TNFRSF19: variants seen among roughly 807,000 people sequenced by gnomAD.
The protein encoded by TNFRSF19 is tumor necrosis factor receptor superfamily member 19.
A neutral mutation model predicts 46.4 loss-of-function variants in TNFRSF19; 27 were observed. That is an observed-to-expected ratio of 0.58 (90% confidence interval 0.43 to 0.80). The LOEUF (loss-of-function observed/expected upper bound fraction) is 0.80, where lower values mean the gene tolerates loss of function less well. Among genes scored for constraint, TNFRSF19 ranks in the 30% least tolerant of loss-of-function variants. TNFRSF19 has a pLI of 0.00. For synonymous variants in TNFRSF19, 204 were observed against 205.0 expected, an observed-to-expected ratio of 1.00 and a Z score of 0.04; for missense variants, 511 against 530.8, an observed-to-expected ratio of 0.96 and a Z score of 0.37.
rs561180069 is a variant in TNFRSF19 at position 23,616,573 on chromosome 13, TTTG to T, written c.359+531_359+533del. On this transcript the variant is annotated intron_variant, in intron 4 of 9. Transcript: ENST00000248484. ...ATTTCTTATAGGTTTTGTTTGTTTG[TTTG>T]TTTGTTTTGTTTTGTTCTGTTTTGA... 9.3e-3 allele frequency among the ~76,000 whole-genome samples: 960 copies of T among 103,520 alleles called. 12 individuals are homozygous for T. The highest frequency in any genetic ancestry group is 0.027 in the African/African-American group (920 of 33,500). The allele number at this position is 103,520 out of a possible 152,430, so 67.9% of individuals were successfully genotyped here.
chr13:23,592,397 C>T (rs374887450), intron 2 of TNFRSF19, among the ~76,000 whole-genome samples: 5 of 152,026 alleles, frequency 3.3e-5, no homozygotes, highest in South Asian at 2.1e-4. Flanking sequence ...AAATACTGTC[C>T]GTTAAGCAGA....
chr13:23,595,502 G>A (rs1879655632), intron 3 of TNFRSF19, among the ~76,000 whole-genome samples: 1 of 152,082 alleles, frequency 6.6e-6, no homozygotes, highest in Admixed American at 6.6e-5. Flanking sequence ...GCAGAAGAAA[G>A]GATATCAGAG....
chr13:23,648,447 A>AT (rs1883450619), intron 5 of TNFRSF19, among the ~76,000 whole-genome samples: 1 of 152,188 alleles, frequency 6.6e-6, no homozygotes, highest in African/African-American at 2.4e-5. Flanking sequence ...GTATCCTGCA[A>AT]TGTTGCTGAA....
chr13:23,612,866 G>A (rs986017593), intron 3 of TNFRSF19, among the ~76,000 whole-genome samples: 1 of 152,112 alleles, frequency 6.6e-6, no homozygotes, highest in Non-Finnish European at 1.5e-5. Context: ...TAGTCCATTG[G>A]ATTACTTGTA....
At position 23,601,797 on chromosome 13, in the gene TNFRSF19, A is replaced by AAGG. The variant is rs376792096; in HGVS notation, c.180+8346_180+8348dup. On this transcript the variant is annotated intron_variant, in intron 3 of 9. Transcript: ENST00000248484. ...TGTGAAGTAGTACAGTGTTAGTTGAAAGGAGGCTTGGACTGGTTATAAATG... is the reference window on the plus strand; with the variant it reads ...TGTGAAGTAGTACAGTGTTAGTTGAAAGGAGGAGGCTTGGACTGGTTATAAATG... 3.8e-3 allele frequency among the ~76,000 whole-genome samples: 580 copies of AAGG among 152,294 alleles called. 6 individuals are homozygous for AAGG. The highest frequency in any genetic ancestry group is 0.013 in the African/African-American group (547 of 41,578).
chr13:23,578,373 C>A (rs551441488), intron 1 of TNFRSF19, among the ~76,000 whole-genome samples: 1 of 149,536 alleles, frequency 6.7e-6, no homozygotes, highest in South Asian at 2.2e-4. Context: ...GGTGTGACAT[C>A]GGGAATAATA....
At chr13:23,600,494 C>A (rs868099913) in intron 3 of TNFRSF19, among the ~76,000 whole-genome samples, 1 of 152,008 alleles carries the variant, frequency 6.6e-6, no homozygotes, top group African/African-American at 2.4e-5. Context: ...GAACTCAAAC[C>A]GATTTTCATA....
At chr13:23,589,023 C>T (rs552836777) in intron 1 of TNFRSF19, among the ~76,000 whole-genome samples, 1 of 152,318 alleles carries the variant, frequency 6.6e-6, no homozygotes, top group South Asian at 2.1e-4. Flanking sequence ...CCCTCTGCCT[C>T]CTTGGTTGTT....
chr13:23,673,099 A>AG (rs1231711351), intron 9 of TNFRSF19, among the ~76,000 whole-genome samples: 7 of 152,230 alleles, frequency 4.6e-5, no homozygotes, highest in African/African-American at 1.7e-4. Flanking sequence ...TTGTTAATAC[A>AG]TTATGATTGC....
intron 1 of TNFRSF19, among the ~76,000 whole-genome samples, chr13:23,585,892 G>A (rs549276779): frequency 2.0e-5 from 3 of 152,256 alleles, no homozygotes; most frequent in South Asian, 2.1e-4. Flanking sequence ...ACTCAGGGCC[G>A]TCAGATTGTC....
chr13:23,631,518 C>T (rs77475987), intron 5 of TNFRSF19, among the ~76,000 whole-genome samples: 7,378 of 152,198 alleles, frequency 0.048, 341 homozygotes, highest in African/African-American at 0.12. Context: ...CCCTTCTGTG[C>T]GAGCTGTCAT....
In TNFRSF19 at chr13:23,621,120, G is replaced by A. The variant is rs201299604; in HGVS notation, c.359+5075G>A. 4.6e-5 allele frequency among the ~76,000 whole-genome samples: 7 copies of A among 152,236 alleles called. No homozygotes were observed. In the East Asian group the frequency reaches 1.2e-3, roughly 25 times the overall value. The stretch of plus-strand genomic sequence containing the variant: ...GATGGGAATCACAGGGACTGCCTCC[G>A]TCCGTGTGTGCTGTGTGCCCACTTC... On this transcript the variant is annotated intron_variant, in intron 4 of 9. Transcript: ENST00000248484.
At chr13:23,578,977 C>T (rs996142735) in intron 1 of TNFRSF19, among the ~76,000 whole-genome samples, 2 of 152,260 alleles carry the variant, frequency 1.3e-5, no homozygotes, top group Non-Finnish European at 2.9e-5. Flanking sequence ...TCAGGCGCAG[C>T]AGCGCAGACC....
At chr13:23,585,007 G>A (rs1375783649) in intron 1 of TNFRSF19, among the ~76,000 whole-genome samples, 4 of 152,298 alleles carry the variant, frequency 2.6e-5, no homozygotes, top group South Asian at 4.1e-4. Context: ...TGTGGGACTG[G>A]CAGTATTTCT....
At chr13:23,630,791 A>G (rs1882308973) in intron 5 of TNFRSF19, among the ~76,000 whole-genome samples, 1 of 152,246 alleles carries the variant, frequency 6.6e-6, no homozygotes, top group Non-Finnish European at 1.5e-5. Flanking sequence ...TCTTTTAGCA[A>G]TGTTTACTTA....
intron 1 of TNFRSF19, among the ~76,000 whole-genome samples, chr13:23,579,193 G>T (rs934856274): frequency 6.6e-6 from 1 of 152,226 alleles, no homozygotes; most frequent in South Asian, 2.1e-4. Flanking sequence ...CGGAGTGGGG[G>T]CCTCCAAAGA....
chr13:23,600,099 G>T (rs1880027249), intron 3 of TNFRSF19, among the ~76,000 whole-genome samples: 1 of 152,112 alleles, frequency 6.6e-6, no homozygotes, highest in African/African-American at 2.4e-5. Flanking sequence ...ATAACCTTAA[G>T]TTAATTTTTG....
chr13:23,634,099 C>T (rs954177540), intron 5 of TNFRSF19, among the ~76,000 whole-genome samples: 2 of 152,132 alleles, frequency 1.3e-5, no homozygotes, highest in African/African-American at 4.8e-5. Flanking sequence ...TTCTTGTCTC[C>T]CAAGAAATGC....
intron 3 of TNFRSF19, among the ~76,000 whole-genome samples, chr13:23,596,263 C>T (rs1444283156): frequency 1.3e-5 from 2 of 152,100 alleles, no homozygotes; most frequent in African/African-American, 4.8e-5. Flanking sequence ...ACAATATTAA[C>T]CTTAAATGTA....
Sources: gnomAD v4.1 joint callset for allele counts (sites outside exome capture counted in the v4.1 genomes callset) on GRCh38, gnomAD v4.1.1 for gene constraint, MANE v1.5 for transcripts, NCBI Gene and HGNC (gene_info 2026-07-23, HGNC 2026-07-21) for gene names.